Variants in GAMT observed in about 807,000 individuals in gnomAD.
GAMT encodes the protein guanidinoacetate N-methyltransferase.
In GAMT, 26 loss-of-function variants were observed where a neutral mutation model predicts 26.9. The ratio of observed to expected loss-of-function variants is 0.97; its 90% CI spans 0.71 to 1.34. The LOEUF is 1.34. Among genes scored for constraint, GAMT ranks in the 40% most tolerant of loss-of-function variants. GAMT has a pLI of 0.00. For synonymous variants in GAMT, 169 were observed against 149.6 expected (o/e 1.13, Z -0.95); for missense variants, 412 against 345.0 (o/e 1.19, Z -1.54).
At chr19:1,400,079 G>T (rs2082625203) in intron 1 of GAMT, 141 bp from the exon 2 acceptor site, 2 of 999,988 alleles carry the variant, frequency 2.0e-6, no homozygotes, top group Non-Finnish European at 1.5e-6. Context: ...CTGCCTGGAG[G>T]GGGGCGTGCA....
chr19:1,398,656 C>T lies in GAMT; in HGVS notation c.570+260G>A, dbSNP rs1440512361. 4 of 1,194,514 alleles carry T rather than the reference C, an allele frequency of 3.3e-6. No homozygotes were observed. The East Asian group carries it at 1.0e-4, about 31-fold the overall frequency. The allele number at this position is 1,194,514 out of a possible 1,614,324, so 74.0% of individuals were successfully genotyped here. ...ATGAGGTCTTGCTCTGTAGCCCAGG[C>T]TGGTCTTGAACTCCTAGGCTCAAGC... is the stretch of plus-strand genomic sequence containing the variant. On this transcript the variant is annotated intron_variant, in intron 5 of 5. Coordinates refer to ENST00000252288, the MANE Select transcript of GAMT (RefSeq NM_000156.6).
rs201029006 is a variant in GAMT, at chr19:1,397,363, C to G, written c.707G>C (p.Gly236Ala). ...TGGCCGGGCCGGGGTGGGGGCTCAGCCTTTGGTCACCAGGGGCGTGATCAT... is the reference window on the plus strand; with the variant it reads ...TGGCCGGGCCGGGGTGGGGGCTCAGGCTTTGGTCACCAGGGGCGTGATCAT... ...PQMITPLVTK[G>A] The change falls in exon 6 of 6, where the codon GGC becomes GCC. Residue 236 changes from glycine to alanine, a missense_variant. By Grantham distance (60) the Gly-to-Ala change is moderately conservative. Coordinates refer to ENST00000252288, the MANE Select transcript of GAMT (RefSeq NM_000156.6). The G allele has an allele frequency of 1.3e-4, 214 of 1,611,156 alleles. No homozygotes were observed. Among genetic ancestry groups the G allele is most frequent in the Non-Finnish European group, 1.7e-4 (198 of 1,179,492 alleles).
chr19:1,399,395 C>A lies in GAMT; in HGVS notation c.391+129G>T. On this transcript the variant is annotated intron_variant, in intron 3 of 5. Transcript: ENST00000252288. This position sits in a 1 kb window ranked among gnomAD's most constrained non-coding sequence, Gnocchi z 6.2. ...TGCCCATCCCCGGTGCTCCGCCATC[C>A]CACAGCCAGGCCCACACCCACTTGG... The A allele has an allele frequency of 9.4e-7, 1 of 1,066,850 alleles. No individual in the cohort carries two copies. The highest frequency in any genetic ancestry group is 1.4e-6 in the Non-Finnish European group (1 of 714,518). 66.1% of individuals were successfully genotyped at this position (1,066,850 alleles called of 1,614,324 possible).
Position 1,399,159 on chromosome 19 carries a change from G to A in GAMT, c.428C>T (p.Thr143Ile), listed in dbSNP as rs746251691. The A allele has an allele frequency of 1.2e-6, 2 of 1,613,654 alleles. No individual in the cohort carries two copies. The highest frequency in any genetic ancestry group is 1.3e-5 in the African/African-American group (1 of 74,924). ...GAAGTTGAACTGGTGTGTGTGCCAG[G>A]TCTCCTCCGAGAGTGGGTACGTGTC... ...LYDTYPLSEETWHTHQFNFIK... is the reference protein window; with the variant it reads ...LYDTYPLSEEIWHTHQFNFIK... Residue 143 changes from threonine to isoleucine, a missense_variant, in exon 4 of 6, where the codon ACC becomes ATC. By Grantham distance (89) the Thr-to-Ile change is moderately conservative. Transcript: ENST00000252288. This position sits in a 1 kb window ranked among gnomAD's most constrained non-coding sequence, Gnocchi z 6.2.
rs111493245 is a variant in GAMT, at chr19:1,398,420, TTTTC to T, written c.570+492_570+495del. The stretch of plus-strand genomic sequence containing the variant: ...GCCTGATTTCCATTTTTTTTTTAAA[TTTTC>T]TTTCTTTCTTTCTTTCTTTCTTTTT... On this transcript the variant is annotated intron_variant, in intron 5 of 5. Coordinates refer to ENST00000252288, the MANE Select transcript of GAMT (RefSeq NM_000156.6). The T allele has an allele frequency of 6.8e-3, 2,338 of 343,418 alleles. 2 individuals are homozygous for T. The highest frequency in any genetic ancestry group is 8.3e-3 in the Non-Finnish European group (1,589 of 190,672). 21.3% of individuals were successfully genotyped at this position (343,418 alleles called of 1,614,324 possible).
chr19:1,397,595 G>A, intron 5 of GAMT, 96 bp from the exon 6 acceptor site: 1 of 1,547,796 alleles, frequency 6.5e-7, no homozygotes. Context: ...CAGATGGCAA[G>A]GCCCGGGTGG....
intron 1 of GAMT, among the ~76,000 whole-genome samples, chr19:1,400,496 C>G (rs2082627853): frequency 1.3e-5 from 2 of 152,116 alleles, no homozygotes; most frequent in Non-Finnish European, 2.9e-5. Flanking sequence ...GCTTTTGGGG[C>G]CAGGCCTGTG....
chr19:1,397,462 C>A lies in GAMT; in HGVS notation c.608G>T (p.Arg203Leu). The change falls in exon 6 of 6, where the codon CGG becomes CTG. Residue 203 changes from arginine to leucine, a missense_variant. Transcript: ENST00000252288. ...QVPALLEAGFRRENIRTEVMA... is the reference protein window; with the variant it reads ...QVPALLEAGFLRENIRTEVMA... ...CACCTCCGTACGGATGTTCTCCCTC[C>A]GGAAGCCGGCCTCCAGCAGCGCGGG... The A allele has an allele frequency of 6.2e-7, 1 of 1,608,774 alleles. No individual in the cohort carries two copies. The highest frequency in any genetic ancestry group is 8.5e-7 in the Non-Finnish European group (1 of 1,179,890).
intron 5 of GAMT, chr19:1,397,787 G>A (rs1365426519): frequency 2.3e-6 from 3 of 1,328,506 alleles, no homozygotes; most frequent in South Asian, 3.4e-5. Context: ...GTGGCGGGTG[G>A]AGCCAAAGAA....
rs771827261 is a variant in GAMT, at chr19:1,399,548, T to C, written c.367A>G (p.Thr123Ala). The C allele has an allele frequency of 4.5e-5, 73 of 1,612,676 alleles. No homozygotes were observed. Among genetic ancestry groups the C allele is most frequent in the Non-Finnish European group, 6.0e-5 (71 of 1,179,736 alleles). ...CCATCAAAGTGACCGTCAGGCAGGG[T>C]GGGTGCCACATCCTCCCACAGGCCT... The part of the protein sequence containing the change: ...LKGLWEDVAP[T>A]LPDGHFDGIL... Residue 123 changes from threonine to alanine, a missense_variant, in exon 3 of 6, where the codon ACC becomes GCC. By Grantham distance (58) the Thr-to-Ala change is moderately conservative (BLOSUM62 0). Transcript: ENST00000252288. This position sits in a 1 kb window ranked among gnomAD's most constrained non-coding sequence, Gnocchi z 6.2.
rs758371494 is a variant in GAMT, at chr19:1,398,963, C to T, written c.523G>A (p.Gly175Arg). Residue 175 changes from glycine to arginine, a missense_variant, in exon 5 of 6, where the codon GGG becomes AGG. Physicochemically the swap from Gly to Arg is moderately radical, Grantham distance 125. Transcript: ENST00000252288. Reference protein sequence around the residue: ...VLTYCNLTSWGELMKSKYSDI... With the variant: ...VLTYCNLTSWRELMKSKYSDI... Reference sequence around the variant, plus strand: ...GAGTACTTGGACTTCATCAGCTCCCCCCAGGAGGTGAGGTTGCAGTAGGTG... The same window carrying T: ...GAGTACTTGGACTTCATCAGCTCCCTCCAGGAGGTGAGGTTGCAGTAGGTG... 2.5e-6 allele frequency: 4 copies of T among 1,613,416 alleles called. No individual in the cohort carries two copies. Among genetic ancestry groups the T allele is most frequent in the Non-Finnish European group, 3.4e-6 (4 of 1,179,976 alleles).
In GAMT at chr19:1,397,283, G is replaced by A. The variant is rs2082605194; in HGVS notation, c.*76C>T. On this transcript the variant is annotated 3_prime_UTR_variant, in exon 6 of 6. Transcript: ENST00000252288. ...GACACACAGCTGGGATCAGCCCAGGGCTGGTGCGACACCCTGGACTCCCGG... is the reference window on the plus strand; with the variant it reads ...GACACACAGCTGGGATCAGCCCAGGACTGGTGCGACACCCTGGACTCCCGG... 1 of 1,512,442 alleles carries A rather than the reference G, an allele frequency of 6.6e-7. No individual in the cohort carries two copies. Among genetic ancestry groups the A allele is most frequent in the Non-Finnish European group, 8.9e-7 (1 of 1,120,610 alleles). 93.7% of individuals were successfully genotyped at this position (1,512,442 alleles called of 1,614,324 possible). A position where few individuals can be genotyped will look rare whatever the true frequency, so the allele number is the denominator to read the frequency against.
chr19:1,401,305 A>G lies in GAMT; in HGVS notation c.172T>C (p.Ser58Pro). 1 of 1,509,888 alleles carries G rather than the reference A, an allele frequency of 6.6e-7. No individual in the cohort carries two copies. Among genetic ancestry groups the G allele is most frequent in the Non-Finnish European group, 8.8e-7 (1 of 1,135,242 alleles). The allele number at this position is 1,509,888 out of a possible 1,614,324, so 93.5% of individuals were successfully genotyped here. ...GCCGGGCGGGGGCTACCTTTGGAGG[A>G]GGCGGCGGCGGCCAGCGCGTGCATA... ...PYMHALAAAA[S>P]SKGGRVLEVG... Residue 58 changes from serine (S) to proline (P), a missense_variant, in exon 1 of 6, where the codon TCC (serine) becomes CCC (proline). Physicochemically the swap from Ser to Pro is moderately conservative, Grantham distance 74 (BLOSUM62 -1). Transcript: ENST00000252288.
intron 5 of GAMT, chr19:1,397,862 A>G: frequency 8.7e-7 from 1 of 1,152,016 alleles, no homozygotes; most frequent in Non-Finnish European, 1.1e-6. Flanking sequence ...CCCAGGGGCC[A>G]CAGGCACCCA....
intron 1 of GAMT, 24 bp downstream of exon 1, chr19:1,401,272 C>A: frequency 1.4e-6 from 2 of 1,427,808 alleles, no homozygotes; most frequent in Non-Finnish European, 1.8e-6. Context: ...CCCCCGGGGG[C>A]GGTGCAGGCC....
rs1454250040 is a variant in GAMT at position 1,399,021 on chromosome 19, G to A, written c.465C>T (p.His155=). ...CCCCCGGCTTCAGCAGGCGAAAGGC[G>A]TGGTTCTGTGGAAGGGGAGTGGCCA... The part of the protein sequence containing the change: ...HTHQFNFIKN[H]AFRLLKPGGV... The change falls in exon 5 of 6, where the codon CAC becomes CAT. Residue 155 remains histidine (H), a synonymous_variant. Transcript: ENST00000252288. This position sits in a 1 kb window ranked among gnomAD's most constrained non-coding sequence, Gnocchi z 6.2. 10 of 1,613,354 alleles carry A rather than the reference G, an allele frequency of 6.2e-6. No homozygotes were observed. The highest frequency in any genetic ancestry group is 1.7e-5 in the Admixed American group (1 of 60,004).
Position 1,399,201 on chromosome 19 carries a change from C to G in GAMT, c.392-6G>C, listed in dbSNP as rs753979877. The G allele has an allele frequency of 6.2e-7, 1 of 1,613,492 alleles. No individual in the cohort carries two copies. Among genetic ancestry groups the G allele is most frequent in the Admixed American group, 1.7e-5 (1 of 60,028 alleles). On this transcript the variant is annotated splice_polypyrimidine_tract_variant and splice_region_variant and intron_variant, in intron 3 of 5. Transcript: ENST00000252288. The surrounding 1 kb of genome is among the most constrained non-coding windows in gnomAD (Gnocchi z 6.2). ...GTACGTGTCGTACAGGATCCCTGCA[C>G]GGAGAACAGAAGCCCACGCGGTCAG...
In GAMT at chr19:1,399,197, T is replaced by C. The variant is rs2082618808; in HGVS notation, c.392-2A>G. On this transcript the variant is annotated splice_acceptor_variant, in intron 3 of 5. Coordinates refer to ENST00000252288, the MANE Select transcript of GAMT (RefSeq NM_000156.6). LOFTEE classifies it high-confidence loss of function. The surrounding 1 kb of genome is among the most constrained non-coding windows in gnomAD (Gnocchi z 6.2). ...GTGGGTACGTGTCGTACAGGATCCCTGCACGGAGAACAGAAGCCCACGCGG... is the reference window on the plus strand; with the variant it reads ...GTGGGTACGTGTCGTACAGGATCCCCGCACGGAGAACAGAAGCCCACGCGG... 6.2e-7 allele frequency: 1 copy of C among 1,613,476 alleles called. No homozygotes were observed. The highest frequency in any genetic ancestry group is 8.5e-7 in the Non-Finnish European group (1 of 1,179,976).
Position 1,399,019 on chromosome 19 carries a change from G to C in GAMT, c.467C>G (p.Ala156Gly). 1.2e-6 allele frequency: 2 copies of C among 1,613,478 alleles called. No homozygotes were observed. Among genetic ancestry groups the C allele is most frequent in the Middle Eastern group, 1.6e-4 (1 of 6,062 alleles). Residue 156 changes from alanine to glycine, a missense_variant, in exon 5 of 6, where the codon GCC (alanine) becomes GGC (glycine). Coordinates refer to ENST00000252288, the MANE Select transcript of GAMT (RefSeq NM_000156.6). This position sits in a 1 kb window ranked among gnomAD's most constrained non-coding sequence, Gnocchi z 6.2. ...GCCCCCCGGCTTCAGCAGGCGAAAGGCGTGGTTCTGTGGAAGGGGAGTGGC... is the reference window on the plus strand; with the variant it reads ...GCCCCCCGGCTTCAGCAGGCGAAAGCCGTGGTTCTGTGGAAGGGGAGTGGC... ...THQFNFIKNHAFRLLKPGGVL... is the reference protein window; with the variant it reads ...THQFNFIKNHGFRLLKPGGVL...
Sources: allele counts gnomAD v4.1 joint callset (sites outside exome capture counted in the v4.1 genomes callset), GRCh38; gene constraint gnomAD v4.1.1; non-coding constraint Gnocchi (gnomAD v3.1); transcripts MANE v1.5; gene names NCBI Gene and HGNC (gene_info 2026-07-23, HGNC 2026-07-21).